The following RGS6 variants were observed in gnomAD, a reference collection of about 807,000 sequenced individuals.
RGS6 encodes regulator of G-protein signaling 6.
A neutral mutation model predicts 78.5 loss-of-function variants in RGS6; 30 were observed. The ratio of observed to expected loss-of-function variants is 0.38; its 90% CI spans 0.29 to 0.52. RGS6 has a LOEUF of 0.52. Among genes scored for constraint, RGS6 ranks in the 20% least tolerant of loss-of-function variants. The pLI, the probability that RGS6 is intolerant of heterozygous loss-of-function variation, is 0.85. For synonymous variants in RGS6, 206 were observed against 206.0 expected, an observed-to-expected ratio of 1.00 and a Z score of 0.00; for missense variants, 495 against 609.7, an observed-to-expected ratio of 0.81 and a Z score of 1.98.
chr14:72,025,289 G>A (rs1306602673), intron 2 of RGS6, among the ~76,000 whole-genome samples: 1 of 151,894 alleles, frequency 6.6e-6, no homozygotes, highest in Non-Finnish European at 1.5e-5. Flanking sequence ...CCTTCAAGTT[G>A]TATCTGTCCC....
intron 3 of RGS6, among the ~76,000 whole-genome samples, chr14:72,406,636 TC>T (rs1218868382): frequency 3.3e-5 from 5 of 152,178 alleles, no homozygotes; most frequent in Non-Finnish European, 7.3e-5. Flanking sequence ...ATGGGAAAGC[TC>T]CCTTTATAGA....
the RGS6 span, among the ~76,000 whole-genome samples, chr14:72,596,699 T>C: frequency 6.6e-6 from 1 of 152,216 alleles, no homozygotes; most frequent in Admixed American, 6.5e-5. Context: ...CACTTCATCA[T>C]AACTAAGTGG....
chr14:71,868,466 C>T, the RGS6 span, among the ~76,000 whole-genome samples: 1 of 152,088 alleles, frequency 6.6e-6, no homozygotes, highest in East Asian at 1.9e-4. Context: ...TATGGGATTC[C>T]TCTTCATTAA....
upstream of RGS6, among the ~76,000 whole-genome samples, chr14:71,928,163 A>C (rs915345454): frequency 6.6e-6 from 1 of 152,168 alleles, no homozygotes; most frequent in Non-Finnish European, 1.5e-5. Flanking sequence ...TGGTTGTTCA[A>C]GACTCTTTAT....
At chr14:72,161,208 GGGAAC>G (rs781309628) in intron 2 of RGS6, among the ~76,000 whole-genome samples, 7 of 152,096 alleles carry the variant, frequency 4.6e-5, no homozygotes, top group Non-Finnish European at 8.8e-5. Flanking sequence ...GCACAAGGAG[GGGAAC>G]ATCACATACC....
chr14:72,446,215 C>T (rs146554830), intron 3 of RGS6, among the ~76,000 whole-genome samples: 5 of 152,280 alleles, frequency 3.3e-5, no homozygotes, highest in Non-Finnish European at 4.4e-5. Context: ...CCAACCCGTT[C>T]GACACCTGGA....
At chr14:72,332,946 C>G (rs1006793043) in intron 2 of RGS6, among the ~76,000 whole-genome samples, 6 of 152,174 alleles carry the variant, frequency 3.9e-5, no homozygotes, top group Non-Finnish European at 5.9e-5. Context: ...ACGGGTGCAG[C>G]GAAACCCTCA....
At chr14:72,030,767 A>G (rs2090730860) in intron 2 of RGS6, among the ~76,000 whole-genome samples, 1 of 152,202 alleles carries the variant, frequency 6.6e-6, no homozygotes, top group African/African-American at 2.4e-5. Context: ...GGGTGGGAAG[A>G]ATGTGGTAGA....
intron 2 of RGS6, among the ~76,000 whole-genome samples, chr14:72,303,616 T>G (rs1212696774): frequency 1.3e-5 from 2 of 152,220 alleles, no homozygotes; most frequent in Non-Finnish European, 2.9e-5. Flanking sequence ...TAAATCATAT[T>G]TATTCATGGT....
At chr14:72,272,970 G>T (rs2060160345) in intron 2 of RGS6, among the ~76,000 whole-genome samples, 1 of 152,114 alleles carries the variant, frequency 6.6e-6, no homozygotes, top group Non-Finnish European at 1.5e-5. Flanking sequence ...CAAAAAATTA[G>T]CAGGGCGTGG....
intron 3 of RGS6, among the ~76,000 whole-genome samples, chr14:72,434,986 C>CT (rs2094833785): frequency 1.3e-5 from 2 of 152,290 alleles, no homozygotes; most frequent in South Asian, 2.1e-4. Flanking sequence ...GACCAAAAGT[C>CT]TGACTGATAG....
chr14:72,600,930 G>C, the RGS6 span, among the ~76,000 whole-genome samples: 1 of 151,928 alleles, frequency 6.6e-6, no homozygotes, highest in East Asian at 1.9e-4. Context: ...GCAGCTGCGG[G>C]AAAGAGGCAA....
At chr14:72,408,228 T>A (rs1013866435) in intron 3 of RGS6, among the ~76,000 whole-genome samples, 1 of 152,192 alleles carries the variant, frequency 6.6e-6, no homozygotes, top group Non-Finnish European at 1.5e-5. Flanking sequence ...TCAACTCGAG[T>A]CTGTTTATAC....
chr14:72,524,305 C>A (rs1246888251), intron 15 of RGS6, among the ~76,000 whole-genome samples: 1 of 152,158 alleles, frequency 6.6e-6, no homozygotes, highest in Non-Finnish European at 1.5e-5. Flanking sequence ...AGGCTTTTAC[C>A]TGGAAGATGG....
intron 2 of RGS6, among the ~76,000 whole-genome samples, chr14:72,260,885 T>C (rs2058040169): frequency 6.6e-6 from 1 of 152,174 alleles, no homozygotes; most frequent in South Asian, 2.1e-4. Context: ...CTTCCACCAT[T>C]TGGCAGAGAA....
chr14:72,015,777 T>A (rs577953961), intron 2 of RGS6, among the ~76,000 whole-genome samples: 1 of 152,334 alleles, frequency 6.6e-6, no homozygotes, highest in South Asian at 2.1e-4. Context: ...CACAGAATTG[T>A]ATCTCATTGT....
At chr14:72,061,762 A>C (rs995256041) in intron 2 of RGS6, among the ~76,000 whole-genome samples, 7 of 152,248 alleles carry the variant, frequency 4.6e-5, no homozygotes, top group Middle Eastern at 3.2e-3. Flanking sequence ...ATAACAGTAC[A>C]GATTTGCTAT....
At chr14:72,536,965 AG>A (rs1382098213) in intron 16 of RGS6, among the ~76,000 whole-genome samples, 1 of 152,024 alleles carries the variant, frequency 6.6e-6, no homozygotes, top group East Asian at 1.9e-4. Flanking sequence ...CATGCAGGTG[AG>A]GGGTGACAGA....
chr14:72,325,254 C>T (rs1488636315), intron 2 of RGS6, among the ~76,000 whole-genome samples: 4 of 152,136 alleles, frequency 2.6e-5, no homozygotes, highest in Non-Finnish European at 5.9e-5. Context: ...TGGATATTAG[C>T]CCTTTGTCAG....
Sources: gnomAD v4.1 joint callset for allele counts (sites outside exome capture counted in the v4.1 genomes callset) on GRCh38, gnomAD v4.1.1 for gene constraint, MANE v1.5 for transcripts, NCBI Gene and HGNC (gene_info 2026-07-23, HGNC 2026-07-21) for gene names.